The following MYO3B variants were observed in gnomAD, a reference collection of about 807,000 sequenced individuals.
The protein encoded by MYO3B is myosin-IIIb.
MYO3B carries 156 observed loss-of-function variants against 174.6 expected under a neutral mutation model. The observed-to-expected ratio is 0.89, with a 90% CI of 0.78 to 1.02. The LOEUF is 1.02. Ranked by LOEUF, MYO3B falls within the 50% of genes least tolerant of loss-of-function variation. The probability of loss-of-function intolerance (pLI) is 0.00; values close to 1 mark genes in which losing one functional copy is unlikely to be tolerated. For missense variants in MYO3B, 1,632 were observed against 1,639.4 expected (o/e 1.00, Z 0.08); for synonymous variants, 563 against 569.1 (o/e 0.99, Z 0.15).
chr2:170,330,996 T>C (rs1222221243), intron 7 of MYO3B, among the ~76,000 whole-genome samples: 1 of 152,216 alleles, frequency 6.6e-6, no homozygotes, highest in African/African-American at 2.4e-5. Context: ...ACCGAGTATT[T>C]CTGTGCTGGG....
intron 1 of MYO3B, among the ~76,000 whole-genome samples, chr2:170,185,718 G>A (rs142155058): frequency 1.8e-3 from 269 of 152,262 alleles, no homozygotes; most frequent in African/African-American, 6.1e-3. Context: ...CATTGAATCT[G>A]TAGATTGCTT....
At chr2:170,342,911 C>A (rs2093986973) in intron 8 of MYO3B, among the ~76,000 whole-genome samples, 1 of 152,090 alleles carries the variant, frequency 6.6e-6, no homozygotes, top group South Asian at 2.1e-4. Flanking sequence ...TATTCTGAAA[C>A]TGTGTTTTGA....
Position 170,466,622 on chromosome 2 carries a change from CCAGCTCCGCTCCACAGGGATT to C in MYO3B, c.2927_2947del (p.Gln976_Ile982del). ...AGTTCTCTCGAGAGAGGGTGCTGGC[CCAGCTCCGCTCCACAGGGATT>C]CTGGAGACAGTCAGCATCCGCCGCC... On this transcript the variant is annotated inframe_deletion, in exon 25 of 35. Transcript: ENST00000408978. 6.2e-7 allele frequency: 1 copy of C among 1,614,168 alleles called. No homozygotes were observed. The highest frequency in any genetic ancestry group is 1.1e-5 in the South Asian group (1 of 91,080).
chr2:170,339,453 G>A (rs1334393823), intron 8 of MYO3B, among the ~76,000 whole-genome samples: 2 of 152,066 alleles, frequency 1.3e-5, no homozygotes, highest in African/African-American at 4.8e-5. Flanking sequence ...CGTATTGACT[G>A]CTGCAGGGAT....
At chr2:170,607,470 A>G (rs1432527422) in intron 32 of MYO3B, among the ~76,000 whole-genome samples, 2 of 152,128 alleles carry the variant, frequency 1.3e-5, no homozygotes, top group Non-Finnish European at 2.9e-5. Flanking sequence ...GGCAAACCAC[A>G]CTCTAGTTTC....
intron 22 of MYO3B, among the ~76,000 whole-genome samples, chr2:170,427,775 A>G (rs562022086): frequency 6.6e-6 from 1 of 152,338 alleles, no homozygotes; most frequent in Admixed American, 6.5e-5. Flanking sequence ...TCTTTAAAAT[A>G]TAACAAAAAT....
chr2:170,323,868 G>A (rs748252810), intron 7 of MYO3B, among the ~76,000 whole-genome samples: 40 of 152,186 alleles, frequency 2.6e-4, no homozygotes, highest in Non-Finnish European at 4.9e-4. Context: ...TTATAGGAAA[G>A]TCTTGGGTTC....
chr2:170,446,124 A>C (rs1021378744), intron 23 of MYO3B, among the ~76,000 whole-genome samples: 1 of 152,232 alleles, frequency 6.6e-6, no homozygotes, highest in African/African-American at 2.4e-5. Flanking sequence ...GCGTCAGGGG[A>C]CTGAGCATTT....
intron 32 of MYO3B, among the ~76,000 whole-genome samples, chr2:170,581,685 T>G (rs758373121): frequency 1.3e-5 from 2 of 152,136 alleles, no homozygotes; most frequent in African/African-American, 2.4e-5. Flanking sequence ...AACTAATAGG[T>G]CCAGCTCCAT....
chr2:170,355,804 G>A (rs1344022343), intron 8 of MYO3B, among the ~76,000 whole-genome samples: 2 of 151,928 alleles, frequency 1.3e-5, no homozygotes, highest in African/African-American at 4.8e-5. Context: ...GGAATCAAGG[G>A]GCCTGACCCT....
At chr2:170,290,963 A>G (rs1394494785) in intron 7 of MYO3B, among the ~76,000 whole-genome samples, 2 of 152,150 alleles carry the variant, frequency 1.3e-5, no homozygotes, top group South Asian at 2.1e-4. Flanking sequence ...GAAACAAACA[A>G]AGGTGGCCAG....
chr2:170,233,493 T>C (rs886397644), intron 6 of MYO3B, among the ~76,000 whole-genome samples: 4 of 152,204 alleles, frequency 2.6e-5, no homozygotes, highest in African/African-American at 9.6e-5. Context: ...TCTTTAAAAA[T>C]AATGTAGGTT....
intron 7 of MYO3B, among the ~76,000 whole-genome samples, chr2:170,302,470 C>A (rs1187296409): frequency 6.6e-6 from 1 of 152,186 alleles, no homozygotes; most frequent in Non-Finnish European, 1.5e-5. Context: ...CACCTAGTGA[C>A]AATGGCCCCA....
chr2:170,581,415 C>A (rs1693143216), intron 32 of MYO3B, among the ~76,000 whole-genome samples: 1 of 152,106 alleles, frequency 6.6e-6, no homozygotes, highest in African/African-American at 2.4e-5. Flanking sequence ...TTCTCCTAGC[C>A]TGTGCCTTGC....
chr2:170,538,422 C>T (rs1230530297), intron 30 of MYO3B, among the ~76,000 whole-genome samples: 1 of 152,232 alleles, frequency 6.6e-6, no homozygotes, highest in African/African-American at 2.4e-5. Context: ...ATTTTGGAGC[C>T]TGTGAAGCTG....
intron 8 of MYO3B, among the ~76,000 whole-genome samples, chr2:170,360,720 A>G (rs1346286168): frequency 6.6e-6 from 1 of 152,156 alleles, no homozygotes; most frequent in Non-Finnish European, 1.5e-5. Context: ...TCCGTGGTGA[A>G]TGGGATTAAG....
At chr2:170,358,747 T>G (rs2094140661) in intron 8 of MYO3B, among the ~76,000 whole-genome samples, 1 of 152,186 alleles carries the variant, frequency 6.6e-6, no homozygotes, top group African/African-American at 2.4e-5. Flanking sequence ...TCTACAGACT[T>G]GTTTGGGATT....
chr2:170,366,867 C>T (rs950875720), intron 8 of MYO3B, among the ~76,000 whole-genome samples: 5 of 152,144 alleles, frequency 3.3e-5, no homozygotes, highest in African/African-American at 1.2e-4. Flanking sequence ...TCCCTAGACT[C>T]CAGTGGAGGC....
chr2:170,238,166 T>C (rs1172754808), intron 7 of MYO3B, among the ~76,000 whole-genome samples: 1 of 152,236 alleles, frequency 6.6e-6, no homozygotes, highest in Non-Finnish European at 1.5e-5. Context: ...GGGTTATGGA[T>C]TGACCAAATG....
Sources: allele counts gnomAD v4.1 joint callset (sites outside exome capture counted in the v4.1 genomes callset), GRCh38; gene constraint gnomAD v4.1.1; transcripts MANE v1.5; gene names NCBI Gene and HGNC (gene_info 2026-07-23, HGNC 2026-07-21).